BAZ1A: variants seen among roughly 807,000 people sequenced by gnomAD.
BAZ1A encodes the protein bromodomain adjacent to zinc finger domain 1A.
Under a neutral mutation model 185.2 loss-of-function variants are expected in BAZ1A, and 50 were observed. The observed-to-expected ratio is 0.27, with a 90% CI of 0.22 to 0.34. BAZ1A has a LOEUF of 0.34. BAZ1A is among the 10% of genes least tolerant of loss of function. The pLI, the probability that BAZ1A is intolerant of heterozygous loss-of-function variation, is 1.00. For missense variants in BAZ1A, 1,356 were observed against 1,839.9 expected, an observed-to-expected ratio of 0.74 and a Z score of 4.81; for synonymous variants, 571 against 615.6, an observed-to-expected ratio of 0.93 and a Z score of 1.07.
In BAZ1A at chr14:34,762,213, G is replaced by A; in HGVS notation, c.3787C>T (p.Arg1263Ter). 3 of 1,613,770 alleles carry A rather than the reference G, an allele frequency of 1.9e-6. No individual in the cohort carries two copies. Among genetic ancestry groups the A allele is most frequent in the Non-Finnish European group, 2.5e-6 (3 of 1,179,876 alleles). Residue 1263 changes from arginine (R) to a stop codon, truncating the protein, a stop_gained, in exon 24 of 27, where the codon CGA (arginine) becomes TGA (stop). Transcript: ENST00000360310. LOFTEE classifies it high-confidence loss of function. ...QEEEEVSLPK[R>*]GRPQVRLPVK... is the part of the protein sequence containing the mutation. The stretch of plus-strand genomic sequence containing the variant: ...GGCAATCTAACTTGTGGTCTTCCTC[G>A]TTTGGGTAGGCTATAAATATTGTTA...
chr14:34,843,119 TAAAAAAAAAAAA>T (rs11389052), intron 3 of BAZ1A, among the ~76,000 whole-genome samples: 1 of 141,234 alleles, frequency 7.1e-6, no homozygotes, highest in African/African-American at 2.6e-5. Context: ...AGGGACTGGC[TAAAAAAAAAAAA>T]AAGATGAGTC....
intron 5 of BAZ1A, among the ~76,000 whole-genome samples, chr14:34,810,548 T>G (rs759761768): frequency 6.6e-6 from 1 of 152,208 alleles, no homozygotes; most frequent in Non-Finnish European, 1.5e-5. Context: ...ACTTCATAAA[T>G]AGGACCCTTT....
intron 3 of BAZ1A, among the ~76,000 whole-genome samples, chr14:34,859,803 T>G (rs770465908): frequency 8.5e-4 from 129 of 152,320 alleles, no homozygotes; most frequent in East Asian, 9.6e-4. Flanking sequence ...GATGCCAACC[T>G]TAAGGATATA....
intron 25 of BAZ1A, among the ~76,000 whole-genome samples, chr14:34,758,097 TGAAGTGAG>T: frequency 7.5e-6 from 1 of 132,492 alleles, no homozygotes; most frequent in Admixed American, 8.2e-5. Context: ...AGCCTGGCAA[TGAAGTGAG>T]ACCCTGTCTC....
At chr14:34,839,766 G>C (rs1485670656) in intron 3 of BAZ1A, among the ~76,000 whole-genome samples, 1 of 149,610 alleles carries the variant, frequency 6.7e-6, no homozygotes. Flanking sequence ...CGTGAACCTG[G>C]GAGGCGGAGC....
intron 8 of BAZ1A, among the ~76,000 whole-genome samples, chr14:34,800,823 T>G (rs906948084): frequency 5.9e-5 from 9 of 152,204 alleles, no homozygotes; most frequent in Admixed American, 1.3e-4. Flanking sequence ...AGCCCCAGTT[T>G]GTAAGCCCTG....
chr14:34,836,303 CG>C (rs747951559), intron 3 of BAZ1A, among the ~76,000 whole-genome samples: 2 of 38,352 alleles, frequency 5.2e-5, no homozygotes, highest in East Asian at 6.3e-4. Flanking sequence ...GGCGTGAACC[CG>C]GGAGGCGGAG....
At chr14:34,754,553 A>G (rs1886160275) in intron 26 of BAZ1A, among the ~76,000 whole-genome samples, 1 of 152,202 alleles carries the variant, frequency 6.6e-6, no homozygotes. Context: ...TTATGTGATC[A>G]TATACATTAT....
intron 5 of BAZ1A, among the ~76,000 whole-genome samples, chr14:34,810,482 G>A (rs1006128358): frequency 1.3e-5 from 2 of 152,132 alleles, no homozygotes; most frequent in East Asian, 3.8e-4. Context: ...TACTACAAAC[G>A]TGACGTTTAT....
intron 17 of BAZ1A, among the ~76,000 whole-genome samples, chr14:34,777,176 A>G (rs530156351): frequency 6.6e-6 from 1 of 152,300 alleles, no homozygotes; most frequent in Middle Eastern, 3.4e-3. Context: ...TGTGGATCTT[A>G]TGGTCTTCAC....
chr14:34,801,522 C>G (rs1372459342), intron 7 of BAZ1A, among the ~76,000 whole-genome samples: 1 of 152,160 alleles, frequency 6.6e-6, no homozygotes, highest in East Asian at 1.9e-4. Flanking sequence ...TCTTGAACTC[C>G]TGACCTCAAG....
intron 25 of BAZ1A, among the ~76,000 whole-genome samples, chr14:34,755,156 GA>G (rs1281043956): frequency 1.3e-5 from 2 of 151,472 alleles, no homozygotes; most frequent in African/African-American, 2.4e-5. Context: ...GTGACCAGAA[GA>G]AAAAAAATTC....
At position 34,784,621 on chromosome 14, in the gene BAZ1A, C is replaced by T. The variant is rs571908689; in HGVS notation, c.1832-694G>A. 5.5e-3 allele frequency among the ~76,000 whole-genome samples: 829 copies of T among 150,138 alleles called. 8 individuals are homozygous for T. The highest frequency in any genetic ancestry group is 0.019 in the African/African-American group (798 of 40,960). ...CAAGCTCCGCCTTCCGGGTTCACGCCATTCTCCTGCCTCAGCCTCCCGAGT... is the reference window on the plus strand; with the variant it reads ...CAAGCTCCGCCTTCCGGGTTCACGCTATTCTCCTGCCTCAGCCTCCCGAGT... On this transcript the variant is annotated intron_variant, in intron 14 of 26. Coordinates refer to ENST00000360310, the MANE Select transcript of BAZ1A (RefSeq NM_013448.3).
At position 34,852,811 on chromosome 14, in the gene BAZ1A, G is replaced by C. The variant is rs184639807; in HGVS notation, c.392+9233C>G. On this transcript the variant is annotated intron_variant, in intron 3 of 26. Coordinates refer to ENST00000360310, the MANE Select transcript of BAZ1A (RefSeq NM_013448.3). The stretch of plus-strand genomic sequence containing the variant: ...GTGAAAAAAGACTAAAGCTCACAGA[G>C]TTTAAACTACTTGTTCAAAGCCATA... Among the ~76,000 whole-genome samples, 10 of 152,278 alleles carry C rather than the reference G, an allele frequency of 6.6e-5. No homozygotes were observed. The East Asian group carries it at 1.9e-3, about 29-fold the overall frequency.
chr14:34,868,170 A>G (rs961589247), intron 2 of BAZ1A, among the ~76,000 whole-genome samples: 1 of 152,162 alleles, frequency 6.6e-6, no homozygotes, highest in African/African-American at 2.4e-5. Flanking sequence ...GGGGAACACA[A>G]CTATACCTGT....
intron 3 of BAZ1A, among the ~76,000 whole-genome samples, chr14:34,830,939 T>C (rs1198615513): frequency 1.3e-5 from 2 of 152,036 alleles, no homozygotes; most frequent in East Asian, 3.9e-4. Context: ...GTATTTTTAG[T>C]AGAGATGGGG....
chr14:34,819,833 A>C (rs61988013), intron 4 of BAZ1A, among the ~76,000 whole-genome samples: 1 of 152,056 alleles, frequency 6.6e-6, no homozygotes, highest in African/African-American at 2.4e-5. Context: ...GTTTGGTACT[A>C]TAAGAAACTG....
At chr14:34,757,621 C>T (rs1303162284) in intron 25 of BAZ1A, among the ~76,000 whole-genome samples, 6 of 151,770 alleles carry the variant, frequency 4.0e-5, no homozygotes, top group Non-Finnish European at 5.9e-5. Flanking sequence ...GCCAAGATCA[C>T]GCCACTGCAC....
At chr14:34,851,332 CAAAAAAAAAAA>C (rs71435818) in intron 3 of BAZ1A, among the ~76,000 whole-genome samples, 4 of 43,406 alleles carry the variant, frequency 9.2e-5, no homozygotes, top group African/African-American at 2.8e-4. Flanking sequence ...GACCCTAGCT[CAAAAAAAAAAA>C]AAAAAAAAAA....
Sources: allele counts gnomAD v4.1 joint callset (sites outside exome capture counted in the v4.1 genomes callset), GRCh38; gene constraint gnomAD v4.1.1; transcripts MANE v1.5; gene names NCBI Gene and HGNC (gene_info 2026-07-23, HGNC 2026-07-21).